CNKSR2: variants seen among roughly 807,000 people sequenced by gnomAD.
The protein encoded by CNKSR2 is CNK homolog protein 2.
In CNKSR2, 14 loss-of-function variants were observed where a neutral mutation model predicts 84.4. The ratio of observed to expected loss-of-function variants is 0.17; its 90% CI spans 0.11 to 0.26. The LOEUF (loss-of-function observed/expected upper bound fraction) is 0.26, where lower values mean the gene tolerates loss of function less well. Among genes scored for constraint, CNKSR2 ranks in the 10% least tolerant of loss-of-function variants. The pLI, the probability that CNKSR2 is intolerant of heterozygous loss-of-function variation, is 1.00. For synonymous variants in CNKSR2, 275 were observed against 277.9 expected (o/e 0.99, Z 0.10); for missense variants, 485 against 771.2 (o/e 0.63, Z 4.40).
chrX:21,418,226 A>G (rs1484724010), intron 1 of CNKSR2, among the ~76,000 whole-genome samples: 2 of 111,524 alleles, frequency 1.8e-5, no homozygotes, highest in Non-Finnish European at 3.8e-5. Context: ...TTCTATTTAG[A>G]TCTTATTGTA....
rs781500401 is a variant in CNKSR2 at position 21,609,111 on chromosome X, G to A, written c.2186G>A (p.Arg729Gln). 8 of 1,210,400 alleles carry A rather than the reference G, an allele frequency of 6.6e-6. No homozygotes were observed. The highest frequency in any genetic ancestry group is 8.9e-6 in the Non-Finnish European group (8 of 894,891). The change falls in exon 20 of 22, where the codon CGA becomes CAA. Residue 729 changes from arginine (R) to glutamine (Q), a missense_variant. By Grantham distance (43) the Arg-to-Gln change is conservative. Transcript: ENST00000379510. Reference protein sequence around the residue: ...ASPYVEAKHSRLSSTETSQSQ... With the variant: ...ASPYVEAKHSQLSSTETSQSQ... The stretch of plus-strand genomic sequence containing the variant: ...CCTTATGTGGAAGCAAAACATAGCC[G>A]ACTTTCCTCCACGGAGACTTCTCAG...
intron 5 of CNKSR2, among the ~76,000 whole-genome samples, chrX:21,472,777 A>G (rs905827691): frequency 9.0e-6 from 1 of 111,527 alleles, no homozygotes; most frequent in Non-Finnish European, 1.9e-5. Context: ...ATATGACAGA[A>G]TAACAGAAAT....
chrX:21,396,290 A>C (rs1175141554), intron 1 of CNKSR2, among the ~76,000 whole-genome samples: 1 of 110,916 alleles, frequency 9.0e-6, no homozygotes, highest in East Asian at 2.8e-4. Context: ...TATGTGGTAT[A>C]TGTAAATTGA....
At chrX:21,431,567 G>A (rs764135088) in intron 2 of CNKSR2, among the ~76,000 whole-genome samples, 1 of 111,792 alleles carries the variant, frequency 8.9e-6, no homozygotes, top group African/African-American at 3.2e-5. Context: ...TAAGTAAGGT[G>A]GTAATAACTT....
intron 19 of CNKSR2, 141 bp downstream of exon 19, chrX:21,607,020 A>G (rs1228703482): frequency 6.0e-6 from 2 of 336,100 alleles, no homozygotes; most frequent in African/African-American, 2.7e-5. Flanking sequence ...TCTAAAATCA[A>G]TAAGCAAATT....
intron 2 of CNKSR2, chrX:21,428,071 C>T (rs2090588549): frequency 8.9e-6 from 1 of 111,999 alleles, no homozygotes; most frequent in Non-Finnish European, 1.9e-5. Flanking sequence ...AACTTAACAC[C>T]TTGTATTACA....
rs144865298 is a variant in CNKSR2 at position 21,573,050 on chromosome X, C to G, written c.1608+9598C>G. On this transcript the variant is annotated intron_variant, in intron 13 of 21. Coordinates refer to ENST00000379510, the MANE Select transcript of CNKSR2 (RefSeq NM_014927.5). ...CAGGCATTAGGTAAATACAACCATT[C>G]CAAATGGGAGAAATTGGCCAAAACA... Among the ~76,000 whole-genome samples, 17 of 112,071 alleles carry G rather than the reference C, an allele frequency of 1.5e-4. No homozygotes were observed. The East Asian group carries it at 4.8e-3, about 31-fold the overall frequency.
At chrX:21,529,134 C>G (rs1043070625) in intron 10 of CNKSR2, among the ~76,000 whole-genome samples, 1 of 110,814 alleles carries the variant, frequency 9.0e-6, no homozygotes, top group Non-Finnish European at 1.9e-5. Flanking sequence ...AATAAAACCT[C>G]TCTCATCTCA....
At chrX:21,626,244 TAA>T (rs397895953) in intron 20 of CNKSR2, among the ~76,000 whole-genome samples, 1,652 of 40,820 alleles carry the variant, frequency 0.04, 30 homozygotes, top group African/African-American at 0.084. Context: ...TTCTAGGTGG[TAA>T]AAAAAAAAAA....
At chrX:21,410,159 A>G (rs2090324772) in intron 1 of CNKSR2, among the ~76,000 whole-genome samples, 1 of 109,885 alleles carries the variant, frequency 9.1e-6, no homozygotes, top group African/African-American at 3.3e-5. Flanking sequence ...TTGCTCTAGT[A>G]ATGTGAATAT....
intron 10 of CNKSR2, among the ~76,000 whole-genome samples, chrX:21,530,043 C>T (rs1036859325): frequency 2.7e-5 from 3 of 110,764 alleles, no homozygotes; most frequent in Non-Finnish European, 5.7e-5. Flanking sequence ...GCCACAAATT[C>T]GTTAAGGCTG....
intron 5 of CNKSR2, among the ~76,000 whole-genome samples, chrX:21,484,220 G>A (rs971570660): frequency 9.0e-6 from 1 of 111,625 alleles, no homozygotes; most frequent in Non-Finnish European, 1.9e-5. Flanking sequence ...GCACCGAGGA[G>A]TCAGAGGCTG....
chrX:21,654,288 A>AAC lies in CNKSR2; in HGVS notation c.*1768_*1769insCA, dbSNP rs1555967978. On this transcript the variant is annotated 3_prime_UTR_variant, in exon 22 of 22. Transcript: ENST00000379510. ...TTGTATATGTAAAAAAAAAAAAAAA[A>AAC]AAAAAACAAAAAACCTCTTGTCCTA... The AAC allele has an allele frequency of 2.9e-3, 313 of 106,827 alleles. No homozygotes were observed. The highest frequency in any genetic ancestry group is 5.2e-3 in the Non-Finnish European group (267 of 51,798). The allele number at this position is 106,827 out of a possible 1,213,427, so 8.8% of individuals were successfully genotyped here. A position where few individuals can be genotyped will look rare whatever the true frequency, so the allele number is the denominator to read the frequency against.
intron 1 of CNKSR2, among the ~76,000 whole-genome samples, chrX:21,379,654 C>G (rs970969470): frequency 8.9e-6 from 1 of 111,733 alleles, no homozygotes; most frequent in Non-Finnish European, 1.9e-5. Flanking sequence ...ATATTATTTT[C>G]TCAGTGCTTT....
At chrX:21,471,489 A>G (rs1207900388) in intron 5 of CNKSR2, among the ~76,000 whole-genome samples, 1 of 112,282 alleles carries the variant, frequency 8.9e-6, no homozygotes, top group Admixed American at 9.5e-5. Flanking sequence ...GGCGGTGAAG[A>G]TCCATATGTC....
At chrX:21,402,313 T>G (rs2090202150) in intron 1 of CNKSR2, among the ~76,000 whole-genome samples, 1 of 111,308 alleles carries the variant, frequency 9.0e-6, no homozygotes, top group African/African-American at 3.3e-5. Flanking sequence ...ATTTGGAAAA[T>G]TAGAATAAAT....
At chrX:21,448,764 C>A (rs1601803069) in intron 4 of CNKSR2, among the ~76,000 whole-genome samples, 1 of 111,509 alleles carries the variant, frequency 9.0e-6, no homozygotes, top group Admixed American at 9.5e-5. Context: ...TAGTTATAGG[C>A]ACTGATTTAT....
At chrX:21,597,645 C>T (rs957928753) in intron 17 of CNKSR2, among the ~76,000 whole-genome samples, 1 of 110,127 alleles carries the variant, frequency 9.1e-6, no homozygotes, top group Non-Finnish European at 1.9e-5. Context: ...TACAAATATT[C>T]ACAGAGGATT....
chrX:21,552,212 G>A lies in CNKSR2; in HGVS notation c.1304-9259G>A, dbSNP rs374910542. On this transcript the variant is annotated intron_variant, in intron 11 of 21. Transcript: ENST00000379510. ...AGTAATCCAGCGATTTCCTAAGTAC[G>A]TTCTTCAGATCACTAGTTCTGAAAG... is the stretch of plus-strand genomic sequence containing the variant. Among the ~76,000 whole-genome samples, 6 of 111,382 alleles carry A rather than the reference G, an allele frequency of 5.4e-5. No individual in the cohort carries two copies. In the East Asian group the frequency reaches 1.1e-3, roughly 21 times the overall value.
Sources: allele counts gnomAD v4.1 joint callset (sites outside exome capture counted in the v4.1 genomes callset), GRCh38; gene constraint gnomAD v4.1.1; transcripts MANE v1.5; gene names NCBI Gene and HGNC (gene_info 2026-07-23, HGNC 2026-07-21).